Variants in VOPP1 observed in about 807,000 individuals in gnomAD.
The protein encoded by VOPP1 is VOPP1 WW domain binding protein.
A neutral mutation model predicts 23.5 loss-of-function variants in VOPP1; 8 were observed. That is an observed-to-expected ratio of 0.34 (90% confidence interval 0.20 to 0.61). VOPP1 has a LOEUF of 0.61. Ranked by LOEUF, VOPP1 falls within the 20% of genes least tolerant of loss-of-function variation. VOPP1 has a pLI of 0.78. For missense variants in VOPP1, 174 were observed against 238.1 expected, an observed-to-expected ratio of 0.73 and a Z score of 1.77; for synonymous variants, 83 against 97.3, an observed-to-expected ratio of 0.85 and a Z score of 0.86.
At chr7:55,518,529 G>A (rs912788448) in intron 2 of VOPP1, among the ~76,000 whole-genome samples, 1 of 152,198 alleles carries the variant, frequency 6.6e-6, no homozygotes, top group Non-Finnish European at 1.5e-5. Flanking sequence ...CAAAACAGCA[G>A]GGGAGGAACA....
chr7:55,535,479 A>T (rs1459274213), intron 1 of VOPP1, among the ~76,000 whole-genome samples: 2 of 152,088 alleles, frequency 1.3e-5, no homozygotes, highest in Non-Finnish European at 2.9e-5. Context: ...CCGCCCCCAC[A>T]TGCCATTGGC....
intron 2 of VOPP1, among the ~76,000 whole-genome samples, chr7:55,516,846 C>CAA (rs1480497094): frequency 7.0e-6 from 1 of 143,312 alleles, no homozygotes; most frequent in Non-Finnish European, 1.5e-5. Flanking sequence ...TAGCACTTTA[C>CAA]CCAGGTGAAA....
At chr7:55,534,987 G>A (rs1301797236) in intron 1 of VOPP1, among the ~76,000 whole-genome samples, 1 of 152,232 alleles carries the variant, frequency 6.6e-6, no homozygotes, top group Non-Finnish European at 1.5e-5. Context: ...GGGAGAAGAG[G>A]AGAACAGGAA....
intron 4 of VOPP1, among the ~76,000 whole-genome samples, chr7:55,457,335 A>G (rs1459632875): frequency 6.6e-6 from 1 of 152,152 alleles, no homozygotes; most frequent in East Asian, 1.9e-4. Context: ...CCATTGTGTA[A>G]GTATGTCTCA....
intron 4 of VOPP1, among the ~76,000 whole-genome samples, chr7:55,453,744 A>G (rs1242382596): frequency 1.3e-5 from 2 of 152,210 alleles, no homozygotes; most frequent in Non-Finnish European, 2.9e-5. Flanking sequence ...CATAGAGATA[A>G]AAAGTGAGCA....
At chr7:55,517,237 C>A (rs1795515214) in intron 2 of VOPP1, among the ~76,000 whole-genome samples, 1 of 151,676 alleles carries the variant, frequency 6.6e-6, no homozygotes, top group Non-Finnish European at 1.5e-5. Flanking sequence ...GCATGAGCAA[C>A]CGTGCCCGGC....
intron 3 of VOPP1, 44 bp downstream of exon 3, chr7:55,497,569 G>C (rs780340196): frequency 1.6e-5 from 18 of 1,132,428 alleles, no homozygotes; most frequent in Non-Finnish European, 2.3e-5. Context: ...GGGGGGGGGG[G>C]GCAGAGCTCT....
chr7:55,541,882 T>C (rs546902717), intron 1 of VOPP1, among the ~76,000 whole-genome samples: 80 of 152,298 alleles, frequency 5.3e-4, no homozygotes, highest in Non-Finnish European at 4.7e-4. Context: ...AGAGAGTAGA[T>C]TAATGGTTGC....
chr7:55,435,892 C>G (rs1238471264), downstream of VOPP1, among the ~76,000 whole-genome samples: 2 of 152,268 alleles, frequency 1.3e-5, no homozygotes, highest in African/African-American at 4.8e-5. Context: ...ACCCTGGCTC[C>G]TGTCCTCAGT....
chr7:55,491,457 G>A (rs1378518918), intron 4 of VOPP1, among the ~76,000 whole-genome samples: 3 of 152,138 alleles, frequency 2.0e-5, no homozygotes, highest in Non-Finnish European at 2.9e-5. Context: ...CTGTGGCTGG[G>A]AGCATGGCGG....
At chr7:55,464,463 C>T (rs1246443293) in intron 4 of VOPP1, among the ~76,000 whole-genome samples, 1 of 152,126 alleles carries the variant, frequency 6.6e-6, no homozygotes, top group Non-Finnish European at 1.5e-5. Context: ...GCACAGTGGC[C>T]CTGCTGCTGG....
chr7:55,535,385 G>C lies in VOPP1; in HGVS notation c.55-14255C>G, dbSNP rs143930077. 8.4e-3 allele frequency among the ~76,000 whole-genome samples: 1,286 copies of C among 152,300 alleles called. 11 individuals carry two copies. The highest frequency in any genetic ancestry group is 0.014 in the Admixed American group (208 of 15,306). ...AGGGCAAAGCTCAGTGAGCTCAGAG[G>C]GCACTGGGGCAGGCTCCCCCTGGAA... On this transcript the variant is annotated intron_variant, in intron 1 of 4. Transcript: ENST00000285279.
chr7:55,478,188 G>C (rs991354803), intron 4 of VOPP1, among the ~76,000 whole-genome samples: 1 of 152,220 alleles, frequency 6.6e-6, no homozygotes, highest in Non-Finnish European at 1.5e-5. Context: ...AGACTTCAGA[G>C]AGATCACGGC....
intron 1 of VOPP1, among the ~76,000 whole-genome samples, chr7:55,542,018 A>G (rs1372267576): frequency 1.3e-5 from 2 of 152,178 alleles, no homozygotes; most frequent in Non-Finnish European, 2.9e-5. Context: ...TGACTCTATC[A>G]AAAATTAAAT....
intron 4 of VOPP1, among the ~76,000 whole-genome samples, chr7:55,464,281 C>T (rs1443874598): frequency 6.6e-6 from 1 of 151,998 alleles, no homozygotes; most frequent in East Asian, 1.9e-4. Flanking sequence ...GGTGGCCTAC[C>T]TGATGGTGCA....
At chr7:55,556,568 T>G (rs1797812085) in intron 1 of VOPP1, among the ~76,000 whole-genome samples, 1 of 151,992 alleles carries the variant, frequency 6.6e-6, no homozygotes, top group Non-Finnish European at 1.5e-5. Context: ...TATATAAACT[T>G]CACACATTGG....
chr7:55,478,543 G>A (rs1463917358), intron 4 of VOPP1, among the ~76,000 whole-genome samples: 1 of 152,174 alleles, frequency 6.6e-6, no homozygotes, highest in Non-Finnish European at 1.5e-5. Context: ...TCTCTCCCAA[G>A]GAGAATGGTT....
intron 4 of VOPP1, among the ~76,000 whole-genome samples, chr7:55,456,066 C>A (rs966576410): frequency 6.6e-6 from 1 of 151,950 alleles, no homozygotes; most frequent in African/African-American, 2.4e-5. Context: ...TGACAAAGGG[C>A]TAATATCCAG....
In VOPP1 at chr7:55,478,054, C is replaced by G. The variant is rs546318361; in HGVS notation, c.329-5009G>C. Reference sequence around the variant, plus strand: ...TCAGGCTCCCACAAAGAAGAGCAACCGAGAGAAGGTGGACCCAGTTCTCAC... The same window carrying G: ...TCAGGCTCCCACAAAGAAGAGCAACGGAGAGAAGGTGGACCCAGTTCTCAC... On this transcript the variant is annotated intron_variant, in intron 4 of 4. Transcript: ENST00000285279. 5.9e-5 allele frequency among the ~76,000 whole-genome samples: 9 copies of G among 152,258 alleles called. No individual in the cohort carries two copies. In the East Asian group the frequency reaches 1.7e-3, roughly 29 times the overall value.
Sources: allele counts gnomAD v4.1 joint callset (sites outside exome capture counted in the v4.1 genomes callset), GRCh38; gene constraint gnomAD v4.1.1; transcripts MANE v1.5; gene names NCBI Gene and HGNC (gene_info 2026-07-23, HGNC 2026-07-21).